RAP2A: variants seen among roughly 807,000 people sequenced by gnomAD.
RAP2A encodes the protein ras-related protein Rap-2a.
A neutral mutation model predicts 15.1 loss-of-function variants in RAP2A; 5 were observed. The observed-to-expected ratio is 0.33, with a 90% CI of 0.17 to 0.70. The LOEUF is 0.70. Among genes scored for constraint, RAP2A ranks in the 30% least tolerant of loss-of-function variants. RAP2A has a pLI of 0.68. For synonymous variants in RAP2A, 110 were observed against 99.7 expected, an observed-to-expected ratio of 1.10 and a Z score of -0.62; for missense variants, 111 against 240.3, an observed-to-expected ratio of 0.46 and a Z score of 3.56.
At chr13:97,447,966 C>A (rs2066686381) in intron 1 of RAP2A, among the ~76,000 whole-genome samples, 1 of 150,312 alleles carries the variant, frequency 6.7e-6, no homozygotes, top group Non-Finnish European at 1.5e-5. Flanking sequence ...ACTCAGAGTT[C>A]TTGGGTTTTT....
intron 1 of RAP2A, among the ~76,000 whole-genome samples, chr13:97,440,626 G>T (rs1307184238): frequency 1.3e-5 from 2 of 151,922 alleles, no homozygotes; most frequent in Admixed American, 1.3e-4. Context: ...TGTTTTTCAT[G>T]ATCTTTTTTT....
chr13:97,434,508 G>C lies in RAP2A; in HGVS notation c.38G>C (p.Gly13Ala). Residue 13 changes from glycine to alanine, a missense_variant, in exon 1 of 2, where the codon GGG (glycine) becomes GCG (alanine). Around this residue, in one of 3 missense-constraint regions of RAP2A, gnomAD observed 20 missense variants for 28.2 expected, o/e 0.71. Transcript: ENST00000245304. The stretch of plus-strand genomic sequence containing the variant: ...AAAGTGGTGGTGCTGGGCTCGGGCG[G>C]GGTAGGCAAATCCGCCCTGACCGTG... ...EYKVVVLGSG[G>A]VGKSALTVQF... 6.2e-7 allele frequency: 1 copy of C among 1,613,166 alleles called. No homozygotes were observed. Among genetic ancestry groups the C allele is most frequent in the Non-Finnish European group, 8.5e-7 (1 of 1,179,558 alleles).
At position 97,458,803 on chromosome 13, in the gene RAP2A, A is replaced by T. The variant is rs544616938; in HGVS notation, c.315-5402A>T. Among the ~76,000 whole-genome samples the T allele has an allele frequency of 2.6e-5, 4 of 152,276 alleles. No homozygotes were observed. The South Asian group carries it at 6.2e-4, about 24-fold the overall frequency. ...AGCAAAATAAAGTATTTTGATAAAC[A>T]CATCAAGTTCTTTTGAGTTACTGAT... On this transcript the variant is annotated intron_variant, in intron 1 of 1. Coordinates refer to ENST00000245304, the MANE Select transcript of RAP2A (RefSeq NM_021033.7).
intron 1 of RAP2A, among the ~76,000 whole-genome samples, chr13:97,456,632 C>T (rs143880730): frequency 8.7e-5 from 13 of 148,860 alleles, no homozygotes; most frequent in Non-Finnish European, 2.0e-4. Context: ...ATAATGTCAA[C>T]ACTCAGTTTC....
intron 1 of RAP2A, among the ~76,000 whole-genome samples, chr13:97,460,348 C>T (rs914879862): frequency 1.3e-5 from 2 of 152,140 alleles, no homozygotes; most frequent in Non-Finnish European, 2.9e-5. Context: ...TGGGTGTGAC[C>T]CACCATGTCT....
intron 1 of RAP2A, among the ~76,000 whole-genome samples, chr13:97,436,980 T>A (rs1372764129): frequency 2.0e-5 from 3 of 152,220 alleles, no homozygotes; most frequent in Non-Finnish European, 4.4e-5. Context: ...GCAGGTGGCC[T>A]CTTCTTTACC....
Position 97,455,434 on chromosome 13 carries a change from T to G in RAP2A, c.315-8771T>G, listed in dbSNP as rs865913609. On this transcript the variant is annotated intron_variant, in intron 1 of 1. Transcript: ENST00000245304. ...TTCTGGTTCTTTGCATGTTTGGTTA[T>G]TTTAGATTGTGTTGGACATTTTTAG... Among the ~76,000 whole-genome samples the G allele has an allele frequency of 3.4e-4, 51 of 151,620 alleles. 2 individuals carry two copies. Among genetic ancestry groups the G allele is most frequent in the Admixed American group, 5.3e-4 (8 of 15,236 alleles).
At chr13:97,459,806 T>C (rs1318528245) in intron 1 of RAP2A, among the ~76,000 whole-genome samples, 1 of 152,214 alleles carries the variant, frequency 6.6e-6, no homozygotes, top group East Asian at 1.9e-4. Context: ...AAACCCAGAA[T>C]TGACTTGTTA....
chr13:97,449,812 G>A (rs1269612203), intron 1 of RAP2A, among the ~76,000 whole-genome samples: 2 of 152,016 alleles, frequency 1.3e-5, no homozygotes, highest in Non-Finnish European at 2.9e-5. Context: ...TCTCATGCCA[G>A]TTGAACCAAC....
chr13:97,464,070 G>C (rs2066759460), intron 1 of RAP2A, 135 bp from the exon 2 acceptor site: 1 of 747,792 alleles, frequency 1.3e-6, no homozygotes, highest in Non-Finnish European at 2.2e-6. Context: ...ATCAAGCCAA[G>C]TGGTACAAAT....
chr13:97,459,181 G>C (rs2066736147), intron 1 of RAP2A, among the ~76,000 whole-genome samples: 1 of 152,054 alleles, frequency 6.6e-6, no homozygotes, highest in African/African-American at 2.4e-5. Context: ...TCTTACTCAT[G>C]ATCAGGTTAA....
chr13:97,461,988 A>ATATATT (rs1242529149), intron 1 of RAP2A, among the ~76,000 whole-genome samples: 5 of 144,222 alleles, frequency 3.5e-5, no homozygotes, highest in African/African-American at 1.3e-4. Context: ...ATATATATAT[A>ATATATT]TTTATATATT....
Position 97,434,416 on chromosome 13 carries a change from G to T in RAP2A, c.-55G>T, listed in dbSNP as rs1200848231. The T allele has an allele frequency of 3.2e-6, 4 of 1,258,584 alleles. No individual in the cohort carries two copies. In the East Asian group the frequency reaches 1.3e-4, roughly 39 times the overall value. 78.0% of individuals were successfully genotyped at this position (1,258,584 alleles called of 1,614,324 possible). On this transcript the variant is annotated 5_prime_UTR_variant, in exon 1 of 2. Transcript: ENST00000245304. The stretch of plus-strand genomic sequence containing the variant: ...GGGCCGGGGCTGGGGGCGCAGCGCG[G>T]CCGGCGTAGGTCTATGTCGCGGGCG...
At chr13:97,451,983 A>G (rs1048261613) in intron 1 of RAP2A, among the ~76,000 whole-genome samples, 6 of 151,218 alleles carry the variant, frequency 4.0e-5, no homozygotes, top group African/African-American at 1.5e-4. Context: ...AAATTGGATT[A>G]TCTTTTTTTA....
At chr13:97,452,232 T>C (rs990853961) in intron 1 of RAP2A, among the ~76,000 whole-genome samples, 1 of 151,344 alleles carries the variant, frequency 6.6e-6, no homozygotes, top group Non-Finnish European at 1.5e-5. Context: ...CCATTCTGCA[T>C]ATTTACTTCT....
chr13:97,456,781 C>T (rs115949904), intron 1 of RAP2A, among the ~76,000 whole-genome samples: 2,803 of 148,274 alleles, frequency 0.019, 68 homozygotes, highest in African/African-American at 0.064. Context: ...CTGAAACCAA[C>T]AGGACATCAG....
intron 1 of RAP2A, 108 bp from the exon 2 acceptor site, chr13:97,464,097 A>AAGAT (rs1281922074): frequency 3.2e-6 from 3 of 945,894 alleles, no homozygotes; most frequent in Non-Finnish European, 5.0e-6. Flanking sequence ...CATGCAACTG[A>AAGAT]AGATACCATT....
Position 97,446,389 on chromosome 13 carries a change from T to C in RAP2A, c.314+11605T>C, listed in dbSNP as rs551133544. 6.4e-4 allele frequency among the ~76,000 whole-genome samples: 97 copies of C among 152,348 alleles called. No homozygotes were observed. The South Asian group carries it at 6.6e-3, about 10-fold the overall frequency. ...CTTCCTTTTTTAAAGCTTTTGTTAATTTGGGTAAACAAATCCTCATGAACT... is the reference window on the plus strand; with the variant it reads ...CTTCCTTTTTTAAAGCTTTTGTTAACTTGGGTAAACAAATCCTCATGAACT... On this transcript the variant is annotated intron_variant, in intron 1 of 1. Coordinates refer to ENST00000245304, the MANE Select transcript of RAP2A (RefSeq NM_021033.7).
intron 1 of RAP2A, among the ~76,000 whole-genome samples, chr13:97,436,370 C>T (rs2066634442): frequency 6.6e-6 from 1 of 152,098 alleles, no homozygotes; most frequent in African/African-American, 2.4e-5. Flanking sequence ...CAAACCAAAC[C>T]AACTGCAGGG....
Sources: allele counts gnomAD v4.1 joint callset (sites outside exome capture counted in the v4.1 genomes callset), GRCh38; gene constraint gnomAD v4.1.1; regional missense constraint gnomAD v4.1.1; transcripts MANE v1.5; gene names NCBI Gene and HGNC (gene_info 2026-07-23, HGNC 2026-07-21).